CAST: variants seen among roughly 807,000 people sequenced by gnomAD.
CAST encodes the protein MIR583 host.
A neutral mutation model predicts 119.6 loss-of-function variants in CAST; 76 were observed. That is an observed-to-expected ratio of 0.64 (90% confidence interval 0.53 to 0.77). The LOEUF is 0.77. Ranked by LOEUF, CAST falls within the 30% of genes least tolerant of loss-of-function variation. The pLI is 0.00. For missense variants in CAST, 953 were observed against 946.5 expected, an observed-to-expected ratio of 1.01 and a Z score of -0.09; for synonymous variants, 319 against 331.6, an observed-to-expected ratio of 0.96 and a Z score of 0.41.
At chr5:96,087,458 A>G in the CAST span, among the ~76,000 whole-genome samples, 1 of 152,120 alleles carries the variant, frequency 6.6e-6, no homozygotes, top group Non-Finnish European at 1.5e-5. Context: ...TTGCTTATGA[A>G]ACTTTTCCCT....
At chr5:96,121,885 T>G in the CAST span, among the ~76,000 whole-genome samples, 1 of 152,138 alleles carries the variant, frequency 6.6e-6, no homozygotes, top group Non-Finnish European at 1.5e-5. Context: ...TGCTCTTGAT[T>G]GAAACAAATG....
the CAST span, among the ~76,000 whole-genome samples, chr5:96,156,367 G>A: frequency 2.0e-5 from 3 of 152,120 alleles, no homozygotes; most frequent in Admixed American, 6.5e-5. Flanking sequence ...CTGTAGTAGG[G>A]TTTTTCCTAA....
intron 1 of CAST, among the ~76,000 whole-genome samples, chr5:96,606,041 T>C (rs767683726): frequency 5.3e-5 from 8 of 152,212 alleles, no homozygotes; most frequent in Non-Finnish European, 1.2e-4. Context: ...TGCCACTCCT[T>C]TGGGTCAATC....
Position 96,756,269 on chromosome 5 carries a change from C to T in CAST, c.1711-1175C>T, listed in dbSNP as rs184851998. On this transcript the variant is annotated intron_variant, in intron 22 of 31. Transcript: ENST00000675179. Reference sequence around the variant, plus strand: ...AATCGATTTCAGTTTGAGTAGGGAGCAAAAGTGCTCCCAGAGTCCCAGGCA... The same window carrying T: ...AATCGATTTCAGTTTGAGTAGGGAGTAAAAGTGCTCCCAGAGTCCCAGGCA... Among the ~76,000 whole-genome samples, 517 of 152,252 alleles carry T rather than the reference C, an allele frequency of 3.4e-3. 5 individuals carry two copies. Among genetic ancestry groups the T allele is most frequent in the African/African-American group, 0.012 (491 of 41,546 alleles).
the CAST span, among the ~76,000 whole-genome samples, chr5:96,463,741 C>A: frequency 7.0e-6 from 1 of 143,172 alleles, no homozygotes; most frequent in Non-Finnish European, 1.6e-5. Flanking sequence ...ATCGATTTCA[C>A]CCCCTTCCAT....
chr5:95,991,917 G>A, the CAST span, among the ~76,000 whole-genome samples: 1 of 152,126 alleles, frequency 6.6e-6, no homozygotes. Flanking sequence ...TATTCTATGT[G>A]TGTAACAAAA....
the CAST span, among the ~76,000 whole-genome samples, chr5:96,030,279 A>G: frequency 1.3e-5 from 2 of 152,172 alleles, no homozygotes; most frequent in African/African-American, 4.8e-5. Context: ...TTGTCAAGAT[A>G]GGATGATAGA....
At chr5:96,028,545 C>G in the CAST span, among the ~76,000 whole-genome samples, 1 of 151,164 alleles carries the variant, frequency 6.6e-6, no homozygotes, top group African/African-American at 2.4e-5. Flanking sequence ...AAAAAATGAC[C>G]CCAAATTTAA....
chr5:96,049,889 C>CAAAA, the CAST span, among the ~76,000 whole-genome samples: 54 of 34,182 alleles, frequency 1.6e-3, 1 homozygote, highest in East Asian at 6.6e-3. Flanking sequence ...GAACAGGAGG[C>CAAAA]AAAAAAAAAA....
At chr5:96,585,383 AGGCC>A (rs1746841810) in intron 1 of CAST, among the ~76,000 whole-genome samples, 1 of 152,148 alleles carries the variant, frequency 6.6e-6, no homozygotes, top group South Asian at 2.1e-4. Flanking sequence ...TCCACTCTTA[AGGCC>A]TTTAATTAAT....
chr5:96,106,243 G>A, the CAST span, among the ~76,000 whole-genome samples: 2 of 151,998 alleles, frequency 1.3e-5, no homozygotes, highest in African/African-American at 4.8e-5. Context: ...TCTGATTTTA[G>A]TTATTTCTTG....
intron 1 of CAST, among the ~76,000 whole-genome samples, chr5:96,622,710 A>AAG (rs1747638812): frequency 6.6e-6 from 1 of 152,188 alleles, no homozygotes; most frequent in Non-Finnish European, 1.5e-5. Context: ...GTTCTGTCTC[A>AAG]AGATTTAAAA....
At chr5:96,036,004 G>A in the CAST span, among the ~76,000 whole-genome samples, 2 of 151,822 alleles carry the variant, frequency 1.3e-5, no homozygotes, top group Non-Finnish European at 2.9e-5. Flanking sequence ...TGCCTACCAT[G>A]TCTGGGCATG....
At chr5:96,100,485 T>A in the CAST span, among the ~76,000 whole-genome samples, 1 of 152,194 alleles carries the variant, frequency 6.6e-6, no homozygotes, top group African/African-American at 2.4e-5. Flanking sequence ...CTCTCTGGAC[T>A]CTCTACCACT....
chr5:96,625,754 G>T (rs375864110), intron 1 of CAST, among the ~76,000 whole-genome samples: 6 of 152,298 alleles, frequency 3.9e-5, no homozygotes, highest in African/African-American at 1.4e-4. Flanking sequence ...TGACAGCCCC[G>T]GTTGCAGCTT....
intron 1 of CAST, among the ~76,000 whole-genome samples, chr5:96,628,437 G>A (rs1747764202): frequency 6.6e-6 from 1 of 152,176 alleles, no homozygotes; most frequent in African/African-American, 2.4e-5. Flanking sequence ...TAACCCTAAA[G>A]TCCTTGAAAC....
the CAST span, among the ~76,000 whole-genome samples, chr5:96,045,082 G>A: frequency 3.2e-4 from 48 of 152,306 alleles, no homozygotes; most frequent in Non-Finnish European, 5.6e-4. Flanking sequence ...GCCGGGCGCA[G>A]TGGCTCATGC....
the CAST span, among the ~76,000 whole-genome samples, chr5:96,008,323 C>A: frequency 1.2e-3 from 182 of 152,300 alleles, 1 homozygote; most frequent in African/African-American, 4.2e-3. Context: ...TGTTACTATA[C>A]TCTAAAACCA....
chr5:96,415,962 C>T, the CAST span: 1 of 942,198 alleles, frequency 1.1e-6, no homozygotes, highest in Admixed American at 1.7e-5. Flanking sequence ...AAGCTCCCCT[C>T]CCCCATTTAC....
Sources: gnomAD v4.1 joint callset for allele counts (sites outside exome capture counted in the v4.1 genomes callset) on GRCh38, gnomAD v4.1.1 for gene constraint, MANE v1.5 for transcripts, NCBI Gene and HGNC (gene_info 2026-07-23, HGNC 2026-07-21) for gene names.